The following GALNT17 variants were observed in gnomAD, a reference collection of about 807,000 sequenced individuals.
GALNT17 encodes the protein polypeptide N-acetylgalactosaminyltransferase 17, also known as UDP-GalNAc:polypeptide N-acetylgalactosaminyltransferase-like 3.
In GALNT17, 29 loss-of-function variants were observed where a neutral mutation model predicts 63.7. The observed-to-expected ratio is 0.46, with a 90% CI of 0.34 to 0.62. The LOEUF is 0.62. Among genes scored for constraint, GALNT17 ranks in the 20% least tolerant of loss-of-function variants. GALNT17 has a pLI of 0.01. For synonymous variants in GALNT17, 305 were observed against 318.3 expected (o/e 0.96, Z 0.45); for missense variants, 603 against 799.6 (o/e 0.75, Z 2.97).
intron 2 of GALNT17, among the ~76,000 whole-genome samples, chr7:71,352,428 T>C (rs1792205740): frequency 6.6e-6 from 1 of 152,216 alleles, no homozygotes; most frequent in South Asian, 2.1e-4. Flanking sequence ...CAAGGAATAC[T>C]ACTGGGTTTT....
chr7:71,519,472 T>A (rs1438642829), intron 5 of GALNT17, among the ~76,000 whole-genome samples: 2 of 152,178 alleles, frequency 1.3e-5, no homozygotes, highest in African/African-American at 2.4e-5. Context: ...TAGAATTTTT[T>A]TGGTTTTTTG....
intron 2 of GALNT17, among the ~76,000 whole-genome samples, chr7:71,376,414 G>A (rs1324562220): frequency 1.6e-5 from 2 of 128,244 alleles, no homozygotes; most frequent in Admixed American, 8.1e-5. Flanking sequence ...TAAAACTTAA[G>A]GTTTGGAGTT....
intron 1 of GALNT17, among the ~76,000 whole-genome samples, chr7:71,228,900 G>GC (rs1789731494): frequency 6.6e-6 from 1 of 151,864 alleles, no homozygotes; most frequent in African/African-American, 2.4e-5. Context: ...GCAGTCGTTA[G>GC]CCCTTTTTTT....
At chr7:71,517,877 A>G (rs573327167) in intron 5 of GALNT17, among the ~76,000 whole-genome samples, 33 of 152,340 alleles carry the variant, frequency 2.2e-4, no homozygotes, top group African/African-American at 7.9e-4. Flanking sequence ...AGAAAGTTGG[A>G]TATGGTGTCA....
chr7:71,622,608 C>T (rs1203214151), intron 6 of GALNT17, among the ~76,000 whole-genome samples: 1 of 152,132 alleles, frequency 6.6e-6, no homozygotes, highest in Non-Finnish European at 1.5e-5. Context: ...GGATCTAACA[C>T]TTCCAGGACA....
At chr7:71,346,756 G>GGGGT (rs1291232060) in intron 2 of GALNT17, among the ~76,000 whole-genome samples, 1 of 143,600 alleles carries the variant, frequency 7.0e-6, no homozygotes. Flanking sequence ...TGGGGGGGCG[G>GGGGT]GGGTGGGTGG....
intron 1 of GALNT17, among the ~76,000 whole-genome samples, chr7:71,147,213 G>A (rs1023563592): frequency 6.6e-6 from 1 of 152,112 alleles, no homozygotes; most frequent in African/African-American, 2.4e-5. Flanking sequence ...ATATATATGA[G>A]TTTGTTAAGT....
At chr7:71,504,324 T>C (rs1788230396) in intron 5 of GALNT17, among the ~76,000 whole-genome samples, 1 of 151,508 alleles carries the variant, frequency 6.6e-6, no homozygotes, top group South Asian at 2.1e-4. Flanking sequence ...GAACCTGGGT[T>C]GCGGAGGTTG....
At chr7:71,484,797 A>ATT (rs386410414) in intron 5 of GALNT17, among the ~76,000 whole-genome samples, 5,798 of 107,304 alleles carry the variant, frequency 0.054, 581 homozygotes, top group African/African-American at 0.15. Flanking sequence ...CAGCATCAGG[A>ATT]TTTTTTTTTT....
chr7:71,696,302 G>A (rs1052361612), intron 9 of GALNT17, among the ~76,000 whole-genome samples: 5 of 151,536 alleles, frequency 3.3e-5, no homozygotes, highest in African/African-American at 7.3e-5. Context: ...TTATAGAGAC[G>A]GTGTTTCACT....
chr7:71,661,657 A>C (rs1481155357), intron 6 of GALNT17, among the ~76,000 whole-genome samples: 1 of 152,204 alleles, frequency 6.6e-6, no homozygotes, highest in African/African-American at 2.4e-5. Context: ...CATCCAGGCC[A>C]GCAGCAGGAT....
At chr7:71,555,456 C>G (rs1789147496) in intron 5 of GALNT17, among the ~76,000 whole-genome samples, 1 of 148,278 alleles carries the variant, frequency 6.7e-6, no homozygotes, top group African/African-American at 2.5e-5. Context: ...TCTTACTGAA[C>G]TCATTACCAT....
intron 2 of GALNT17, among the ~76,000 whole-genome samples, chr7:71,344,061 G>A (rs1426463126): frequency 1.3e-5 from 2 of 152,132 alleles, no homozygotes; most frequent in African/African-American, 4.8e-5. Context: ...TTCAAAGAGA[G>A]TGGGAGAGGC....
chr7:71,644,755 A>AAAT (rs895319149), intron 6 of GALNT17, among the ~76,000 whole-genome samples: 12 of 151,896 alleles, frequency 7.9e-5, no homozygotes, highest in African/African-American at 1.2e-4. Flanking sequence ...CTGTGTCTCT[A>AAAT]AATAATAATA....
chr7:71,502,069 A>G (rs560871607), intron 5 of GALNT17, among the ~76,000 whole-genome samples: 1 of 152,180 alleles, frequency 6.6e-6, no homozygotes, highest in Admixed American at 6.5e-5. Flanking sequence ...TTCCCTCTCA[A>G]ATGAATCTCT....
chr7:71,134,183 GAAT>G, intron 1 of GALNT17, among the ~76,000 whole-genome samples: 1 of 152,294 alleles, frequency 6.6e-6, no homozygotes. Context: ...TCTGTAATCG[GAAT>G]AATAATAGAG....
At chr7:71,485,495 T>G (rs1209304100) in intron 5 of GALNT17, among the ~76,000 whole-genome samples, 2 of 152,242 alleles carry the variant, frequency 1.3e-5, no homozygotes, top group African/African-American at 2.4e-5. Context: ...CTGCCCATCC[T>G]GGCTCAGAGT....
intron 1 of GALNT17, among the ~76,000 whole-genome samples, chr7:71,269,097 C>T (rs1790541242): frequency 6.6e-6 from 1 of 152,188 alleles, no homozygotes; most frequent in South Asian, 2.1e-4. Flanking sequence ...GGAGAACCCT[C>T]AGCCGGGCCC....
chr7:71,592,856 T>G (rs1037428884), intron 6 of GALNT17, among the ~76,000 whole-genome samples: 3 of 152,152 alleles, frequency 2.0e-5, no homozygotes, highest in African/African-American at 7.2e-5. Flanking sequence ...CTTACTTAAA[T>G]CAGTTAGGGC....
Sources: allele counts gnomAD v4.1 joint callset (sites outside exome capture counted in the v4.1 genomes callset), GRCh38; gene constraint gnomAD v4.1.1; transcripts MANE v1.5; gene names NCBI Gene and HGNC (gene_info 2026-07-23, HGNC 2026-07-21).